Variants in IL1RAPL1 observed in about 807,000 individuals in gnomAD.
The protein encoded by IL1RAPL1 is interleukin-1 receptor accessory protein-like 1.
IL1RAPL1 carries 3 observed loss-of-function variants against 48.4 expected under a neutral mutation model. That is an observed-to-expected ratio of 0.06 (90% CI 0.03 to 0.16). The LOEUF is 0.16. Ranked by LOEUF, IL1RAPL1 falls within the 10% of genes least tolerant of loss-of-function variation. The pLI is 1.00. For missense variants in IL1RAPL1, 349 were observed against 530.6 expected, an observed-to-expected ratio of 0.66 and a Z score of 3.36; for synonymous variants, 185 against 187.7, an observed-to-expected ratio of 0.99 and a Z score of 0.12.
At chrX:29,683,725 TAC>T in intron 6 of IL1RAPL1, among the ~76,000 whole-genome samples, 1 of 112,387 alleles carries the variant, frequency 8.9e-6, no homozygotes, top group Middle Eastern at 4.6e-3. Flanking sequence ...GGTCTATTCT[TAC>T]AGACTACTTG....
intron 3 of IL1RAPL1, among the ~76,000 whole-genome samples, chrX:29,370,585 C>T (rs1483755856): frequency 9.1e-6 from 1 of 109,963 alleles, no homozygotes; most frequent in Non-Finnish European, 1.9e-5. Context: ...TTTTATGCTC[C>T]TTTCTTTTGA....
At chrX:29,609,469 C>T (rs1924021896) in intron 5 of IL1RAPL1, among the ~76,000 whole-genome samples, 1 of 111,838 alleles carries the variant, frequency 8.9e-6, no homozygotes, top group African/African-American at 3.2e-5. Flanking sequence ...AATTGTTCTT[C>T]CCTCATACTA....
intron 2 of IL1RAPL1, among the ~76,000 whole-genome samples, chrX:29,097,686 T>A (rs924218539): frequency 1.1e-5 from 1 of 90,067 alleles, no homozygotes; most frequent in African/African-American, 3.4e-5. Context: ...TACAGAGCAA[T>A]CAACTACACT....
At chrX:29,538,285 T>C (rs1311378479) in intron 5 of IL1RAPL1, among the ~76,000 whole-genome samples, 1 of 109,243 alleles carries the variant, frequency 9.2e-6, no homozygotes, top group Non-Finnish European at 1.9e-5. Flanking sequence ...ATTTGATTTA[T>C]ATTATAGCAA....
At chrX:28,808,523 T>C (rs776092315) in intron 2 of IL1RAPL1, among the ~76,000 whole-genome samples, 3 of 111,307 alleles carry the variant, frequency 2.7e-5, no homozygotes, top group Non-Finnish European at 5.7e-5. Flanking sequence ...ATGCATGTTT[T>C]ACTATTTCAT....
intron 6 of IL1RAPL1, among the ~76,000 whole-genome samples, chrX:29,897,168 T>A (rs1045050070): frequency 5.3e-5 from 6 of 112,512 alleles, no homozygotes; most frequent in African/African-American, 1.9e-4. Flanking sequence ...ACCATGAAGA[T>A]CAGCTTGTTT....
intron 2 of IL1RAPL1, among the ~76,000 whole-genome samples, chrX:29,178,303 G>T (rs770661076): frequency 1.6e-4 from 18 of 111,942 alleles, no homozygotes; most frequent in African/African-American, 5.8e-4. Context: ...GTGTGAAATG[G>T]TATCTCATTG....
chrX:28,809,702 A>G (rs1392457939), intron 2 of IL1RAPL1, among the ~76,000 whole-genome samples: 1 of 110,339 alleles, frequency 9.1e-6, no homozygotes, highest in Non-Finnish European at 1.9e-5. Flanking sequence ...CATGGTTTAG[A>G]GTATGCATTT....
At chrX:29,919,410 A>C (rs1932828513) in intron 7 of IL1RAPL1, among the ~76,000 whole-genome samples, 1 of 112,366 alleles carries the variant, frequency 8.9e-6, no homozygotes, top group South Asian at 3.7e-4. Flanking sequence ...TTTTAATGTC[A>C]GAGTTAAATA....
intron 5 of IL1RAPL1, among the ~76,000 whole-genome samples, chrX:29,525,287 T>C (rs1184685287): frequency 8.9e-6 from 1 of 112,504 alleles, no homozygotes; most frequent in East Asian, 2.8e-4. Flanking sequence ...TTTTAACTGT[T>C]TTTAAAGTTC....
At chrX:29,693,919 A>G (rs1926843129) in intron 6 of IL1RAPL1, among the ~76,000 whole-genome samples, 1 of 109,985 alleles carries the variant, frequency 9.1e-6, no homozygotes, top group Admixed American at 9.7e-5. Flanking sequence ...ATATCTTTTT[A>G]GCTTAACTAT....
chrX:28,649,636 C>T (rs145949321), intron 1 of IL1RAPL1, among the ~76,000 whole-genome samples: 86 of 112,147 alleles, frequency 7.7e-4, no homozygotes, highest in African/African-American at 2.4e-3. Flanking sequence ...ACAACATTAG[C>T]GTTATTTGAG....
At chrX:29,429,002 C>A (rs1464386714) in intron 5 of IL1RAPL1, among the ~76,000 whole-genome samples, 1 of 112,173 alleles carries the variant, frequency 8.9e-6, no homozygotes, top group East Asian at 2.8e-4. Context: ...TGATTAACTC[C>A]AATGTATTCT....
intron 1 of IL1RAPL1, among the ~76,000 whole-genome samples, chrX:28,717,971 T>C (rs1415657155): frequency 9.0e-6 from 1 of 111,586 alleles, no homozygotes; most frequent in East Asian, 2.8e-4. Context: ...ATATGATAAA[T>C]AAGTAAATAC....
At chrX:29,930,949 A>T (rs1057042561) in intron 8 of IL1RAPL1, among the ~76,000 whole-genome samples, 10 of 111,966 alleles carry the variant, frequency 8.9e-5, no homozygotes, top group African/African-American at 3.2e-4. Context: ...GAGCTATGTT[A>T]TGCTATTTTG....
At chrX:29,046,651 C>T (rs1926977207) in intron 2 of IL1RAPL1, among the ~76,000 whole-genome samples, 1 of 111,852 alleles carries the variant, frequency 8.9e-6, no homozygotes, top group South Asian at 3.8e-4. Flanking sequence ...CCCCTACCTC[C>T]AGTTCCAGAA....
At chrX:29,610,035 G>A (rs745352360) in intron 5 of IL1RAPL1, among the ~76,000 whole-genome samples, 1 of 111,875 alleles carries the variant, frequency 8.9e-6, no homozygotes, top group East Asian at 2.8e-4. Flanking sequence ...TGAAGTATGA[G>A]GGGGAGTGGG....
chrX:29,361,354 G>T (rs1174614362), intron 3 of IL1RAPL1, among the ~76,000 whole-genome samples: 1 of 112,061 alleles, frequency 8.9e-6, no homozygotes, highest in Non-Finnish European at 1.9e-5. Flanking sequence ...AGGTCATTTA[G>T]TGGGCTCATA....
rs1427601181 is a variant in IL1RAPL1 at position 29,619,164 on chromosome X, C to T, written c.704-49266C>T. On this transcript the variant is annotated intron_variant, in intron 5 of 10. Coordinates refer to ENST00000378993, the MANE Select transcript of IL1RAPL1 (RefSeq NM_014271.4). ...TGTTTTTAAGAAATCTATTCCCCTT[C>T]GATTTAGTGCTTGGGTTTGTATATT... Among the ~76,000 whole-genome samples the T allele has an allele frequency of 7.2e-5, 8 of 111,688 alleles. No homozygotes were observed. The Admixed American group carries it at 7.6e-4, about 11-fold the overall frequency.
Sources: allele counts gnomAD v4.1 joint callset (sites outside exome capture counted in the v4.1 genomes callset), GRCh38; gene constraint gnomAD v4.1.1; transcripts MANE v1.5; gene names NCBI Gene and HGNC (gene_info 2026-07-23, HGNC 2026-07-21).